HEATR5A: variants seen among roughly 807,000 people sequenced by gnomAD.
The protein encoded by HEATR5A is HEAT repeat containing 5A.
Under a neutral mutation model 218.8 loss-of-function variants are expected in HEATR5A, and 178 were observed. That is an observed-to-expected ratio of 0.81 (90% CI 0.72 to 0.92). The LOEUF (loss-of-function observed/expected upper bound fraction) is 0.92. HEATR5A is among the 40% of genes least tolerant of loss of function. HEATR5A has a pLI of 0.00. For missense variants in HEATR5A, 2,420 were observed against 2,418.9 expected (o/e 1.00, Z -0.01); for synonymous variants, 864 against 871.6 (o/e 0.99, Z 0.15).
intron 6 of HEATR5A, among the ~76,000 whole-genome samples, chr14:31,390,492 T>A (rs1465757400): frequency 2.0e-5 from 3 of 152,086 alleles, no homozygotes; most frequent in Non-Finnish European, 2.9e-5. Flanking sequence ...AAATATATAT[T>A]TTAAACTTTT....
chr14:31,306,313 C>G (rs1899555082), intron 31 of HEATR5A, among the ~76,000 whole-genome samples: 1 of 152,084 alleles, frequency 6.6e-6, no homozygotes, highest in South Asian at 2.1e-4. Context: ...CATCCCGTCT[C>G]TAATAAAAAA....
intron 14 of HEATR5A, among the ~76,000 whole-genome samples, chr14:31,363,955 G>A (rs562492899): frequency 1.4e-4 from 21 of 152,270 alleles, no homozygotes; most frequent in Admixed American, 1.0e-3. Flanking sequence ...GCCTGGGTAA[G>A]AGAGTGAGAC....
chr14:31,394,092 T>C lies in HEATR5A; in HGVS notation c.732A>G (p.Ile244Met). The change falls in exon 6 of 36, where the codon ATA (isoleucine) becomes ATG (methionine). Residue 244 changes from isoleucine (I) to methionine (M), a missense_variant. Transcript: ENST00000543095. ...VRISVSKLLG[I>M]ILAKAVISKH... ...TAGAAATTACAGCTTTAGCTAATAT[T>C]ATGCCTAGTAACTTTGAAACAGAAA... 1 of 1,533,918 alleles carries C rather than the reference T, an allele frequency of 6.5e-7. No individual in the cohort carries two copies. The highest frequency in any genetic ancestry group is 8.7e-7 in the Non-Finnish European group (1 of 1,145,532).
intron 30 of HEATR5A, 127 bp from the exon 31 acceptor site, chr14:31,307,006 A>G (rs923025362): frequency 2.3e-5 from 17 of 731,150 alleles, no homozygotes; most frequent in Admixed American, 1.9e-4. Context: ...TTAGTGCAAT[A>G]AAGTTAAGTA....
intron 27 of HEATR5A, among the ~76,000 whole-genome samples, chr14:31,314,067 C>T (rs1899839673): frequency 6.6e-6 from 1 of 152,118 alleles, no homozygotes; most frequent in African/African-American, 2.4e-5. Flanking sequence ...CCTGCCTCAG[C>T]TTCCCAAGTA....
chr14:31,417,858 A>C (rs771137759), intron 1 of HEATR5A, among the ~76,000 whole-genome samples: 2 of 152,210 alleles, frequency 1.3e-5, no homozygotes, highest in Non-Finnish European at 2.9e-5. Flanking sequence ...CAGATCCAGA[A>C]GCATTTATGA....
At chr14:31,307,566 C>G (rs949366205) in intron 30 of HEATR5A, among the ~76,000 whole-genome samples, 1 of 152,068 alleles carries the variant, frequency 6.6e-6, no homozygotes, top group Admixed American at 6.6e-5. Flanking sequence ...GGTATATACA[C>G]AAAAAGCAGG....
At chr14:31,360,766 G>C (rs1449630501) in intron 14 of HEATR5A, among the ~76,000 whole-genome samples, 1 of 152,098 alleles carries the variant, frequency 6.6e-6, no homozygotes, top group African/African-American at 2.4e-5. Flanking sequence ...AGTTAGGAAG[G>C]GTTTACTTGC....
In HEATR5A at chr14:31,292,929, A is replaced by G. The variant is rs80303266; in HGVS notation, c.*376T>C. ...TTGGGATACAATATTAGTGCAGATA[A>G]TTTACACTAGAGTCATATTTATATC... On this transcript the variant is annotated 3_prime_UTR_variant, in exon 36 of 36. Transcript: ENST00000543095. The G allele has an allele frequency of 0.036, 5,787 of 162,378 alleles. 316 individuals carry two copies. The highest frequency in any genetic ancestry group is 0.12 in the African/African-American group (5,068 of 41,778). The allele number at this position is 162,378 out of a possible 1,614,324, so 10.1% of individuals were successfully genotyped here.
chr14:31,318,531 G>A (rs1180542936), intron 25 of HEATR5A, among the ~76,000 whole-genome samples: 1 of 152,058 alleles, frequency 6.6e-6, no homozygotes, highest in African/African-American at 2.4e-5. Context: ...CTGTCGCCCA[G>A]GCAGGCTGGA....
chr14:31,392,063 T>C (rs1040729737), intron 6 of HEATR5A, among the ~76,000 whole-genome samples: 3 of 152,234 alleles, frequency 2.0e-5, no homozygotes, highest in Non-Finnish European at 4.4e-5. Context: ...AATACACTTA[T>C]GGCCAGTTGT....
intron 11 of HEATR5A, among the ~76,000 whole-genome samples, 174 bp from the exon 12 acceptor site, chr14:31,375,142 T>C (rs1022606552): frequency 6.6e-6 from 1 of 152,182 alleles, no homozygotes; most frequent in African/African-American, 2.4e-5. Context: ...TATCTGAAGG[T>C]GCTGGAGTAC....
intron 30 of HEATR5A, among the ~76,000 whole-genome samples, chr14:31,307,185 T>TA (rs1452183256): frequency 6.6e-6 from 1 of 152,142 alleles, no homozygotes; most frequent in African/African-American, 2.4e-5. Context: ...TTAAACCTAA[T>TA]AAAAGTTAGT....
At chr14:31,313,381 C>A (rs754525219) in intron 27 of HEATR5A, among the ~76,000 whole-genome samples, 191 bp from the exon 28 acceptor site, 1 of 152,100 alleles carries the variant, frequency 6.6e-6, no homozygotes, top group Non-Finnish European at 1.5e-5. Flanking sequence ...AAAATACTAT[C>A]TTCAATGAGA....
intron 13 of HEATR5A, among the ~76,000 whole-genome samples, chr14:31,369,129 T>C (rs1901921561): frequency 6.6e-6 from 1 of 151,808 alleles, no homozygotes; most frequent in Non-Finnish European, 1.5e-5. Context: ...AGGCCCTGTG[T>C]CTACAAAAAA....
Position 31,296,026 on chromosome 14 carries a change from T to C in HEATR5A, c.5502A>G (p.Leu1834=), listed in dbSNP as rs761435914. ...ETHQELDEVS[L]LTAITVFILS... is the part of the protein sequence containing the mutation. ...AAATAAACACTGTGATAGCAGTAAG[T>C]AGACTGACTTCATCAAGTTCTTGGT... Residue 1834 remains leucine, a synonymous_variant, in exon 34 of 36, where the codon CTA becomes CTG. Coordinates refer to ENST00000543095, the MANE Select transcript of HEATR5A (RefSeq NM_015473.4). 3.1e-6 allele frequency: 5 copies of C among 1,613,344 alleles called. No homozygotes were observed. The highest frequency in any genetic ancestry group is 2.2e-5 in the East Asian group (1 of 44,846).
rs1899065263 is a variant in HEATR5A at position 31,292,815 on chromosome 14, T to A, written c.*490A>T. ...TCAGGCTGGTCTCAAACTCCCGACTTCGTGATCCGCCCGCCTTGGCCTTCC... is the reference window on the plus strand; with the variant it reads ...TCAGGCTGGTCTCAAACTCCCGACTACGTGATCCGCCCGCCTTGGCCTTCC... On this transcript the variant is annotated 3_prime_UTR_variant, in exon 36 of 36. Transcript: ENST00000543095. The A allele has an allele frequency of 6.5e-6, 1 of 152,744 alleles. No homozygotes were observed. Among genetic ancestry groups the A allele is most frequent in the South Asian group, 2.1e-4 (1 of 4,858 alleles). 9.5% of individuals were successfully genotyped at this position (152,744 alleles called of 1,614,324 possible).
At chr14:31,320,561 A>T in intron 25 of HEATR5A, 1 of 899,288 alleles carries the variant, frequency 1.1e-6, no homozygotes, top group Non-Finnish European at 1.8e-6. Context: ...GAAGGCAGAC[A>T]CAGGCCTGAT....
chr14:31,386,503 A>C lies in HEATR5A; in HGVS notation c.1262T>G (p.Leu421Arg), dbSNP rs757778598. The C allele has an allele frequency of 6.2e-7, 1 of 1,612,306 alleles. No homozygotes were observed. The highest frequency in any genetic ancestry group is 8.5e-7 in the Non-Finnish European group (1 of 1,179,438). ...STDVAASQHM[L>R]VCALQELGNL... is the part of the protein sequence containing the mutation. ...TCCAAGTTCTTGTAAAGCACAAACC[A>C]GCATATGTTGGCTAGCGGCTACATC... Residue 421 changes from leucine to arginine, a missense_variant, in exon 9 of 36, where the codon CTG (leucine) becomes CGG (arginine). Physicochemically the swap from Leu to Arg is moderately radical, Grantham distance 102. Transcript: ENST00000543095.
Sources: gnomAD v4.1 joint callset for allele counts (sites outside exome capture counted in the v4.1 genomes callset) on GRCh38, gnomAD v4.1.1 for gene constraint, MANE v1.5 for transcripts, NCBI Gene and HGNC (gene_info 2026-07-23, HGNC 2026-07-21) for gene names.